Variants in UBE3B observed in about 807,000 individuals in gnomAD.
UBE3B encodes ubiquitin protein ligase E3B, also known as ubiquitin-protein ligase E3B.
In UBE3B, 80 loss-of-function variants were observed where a neutral mutation model predicts 132.3. That is an observed-to-expected ratio of 0.60 (90% confidence interval 0.50 to 0.73). The LOEUF is 0.73. UBE3B is among the 30% of genes least tolerant of loss of function. UBE3B has a pLI of 0.00. For missense variants in UBE3B, 1,196 were observed against 1,362.5 expected, an observed-to-expected ratio of 0.88 and a Z score of 1.92; for synonymous variants, 487 against 520.4, an observed-to-expected ratio of 0.94 and a Z score of 0.87.
At chr12:109,515,831 T>C (rs1880966967) in intron 18 of UBE3B, among the ~76,000 whole-genome samples, 1 of 152,204 alleles carries the variant, frequency 6.6e-6, no homozygotes, top group African/African-American at 2.4e-5. Context: ...AGAGTCATGC[T>C]CTTTCTAAAT....
At position 109,484,060 on chromosome 12, in the gene UBE3B, A is replaced by T. The variant is rs139585965; in HGVS notation, c.282+79A>T. 4.1e-4 allele frequency: 585 copies of T among 1,443,514 alleles called. 2 individuals carry two copies. The African/African-American group carries it at 7.7e-3, about 19-fold the overall frequency. The allele number at this position is 1,443,514 out of a possible 1,614,324, so 89.4% of individuals were successfully genotyped here. On this transcript the variant is annotated intron_variant, in intron 4 of 27. Transcript: ENST00000342494. Reference sequence around the variant, plus strand: ...AATTATTGATATTAACTCAGTTCTTATAGCAGCTTTATGAGGTAATTACTG... The same window carrying T: ...AATTATTGATATTAACTCAGTTCTTTTAGCAGCTTTATGAGGTAATTACTG...
rs1881100768 is a variant in UBE3B, at chr12:109,516,639, C to T, written c.1957-126C>T. 12 of 1,436,022 alleles carry T rather than the reference C, an allele frequency of 8.4e-6. No individual in the cohort carries two copies. In the East Asian group the frequency reaches 2.5e-4, roughly 30 times the overall value. The allele number at this position is 1,436,022 out of a possible 1,614,324, so 89.0% of individuals were successfully genotyped here. A position where few individuals can be genotyped will look rare whatever the true frequency, so the allele number is the denominator to read the frequency against. On this transcript the variant is annotated intron_variant, in intron 18 of 27. Coordinates refer to ENST00000342494, the MANE Select transcript of UBE3B (RefSeq NM_130466.4). Reference sequence around the variant, plus strand: ...CACAGGACACTTCTAACTGGTAGCACATGTTAAGGCATCCCATTCTGCTTG... The same window carrying T: ...CACAGGACACTTCTAACTGGTAGCATATGTTAAGGCATCCCATTCTGCTTG...
In UBE3B at chr12:109,511,276, C is replaced by T. The variant is rs780311262; in HGVS notation, c.1929C>T (p.Tyr643=). Residue 643 remains tyrosine, a synonymous_variant, in exon 18 of 28, where the codon TAC becomes TAT. Transcript: ENST00000342494. ...DRKRAQLILQ[Y]IPHVIPHKNR... ...AACGGGCACAGTTGATCCTGCAGTA[C>T]ATCCCACATGTCATCCCTCACAAAA... The T allele has an allele frequency of 6.2e-7, 1 of 1,614,184 alleles. No individual in the cohort carries two copies. The highest frequency in any genetic ancestry group is 8.5e-7 in the Non-Finnish European group (1 of 1,180,018).
rs769337515 is a variant in UBE3B, at chr12:109,517,987, C to T, written c.2076+1103C>T. 14 of 434,002 alleles carry T rather than the reference C, an allele frequency of 3.2e-5. 1 individual carries two copies. The highest frequency in any genetic ancestry group is 3.3e-4 in the Middle Eastern group (1 of 3,014). The allele number at this position is 434,002 out of a possible 1,614,324, so 26.9% of individuals were successfully genotyped here. A position where few individuals can be genotyped will look rare whatever the true frequency, so the allele number is the denominator to read the frequency against. ...TGCTAGGAAGGCAGTGTGTGCTGAA[C>T]AGTGGATGTTTCTGACATTCTTCAA... is the stretch of plus-strand genomic sequence containing the variant. On this transcript the variant is annotated intron_variant, in intron 19 of 27. Transcript: ENST00000342494.
intron 18 of UBE3B, among the ~76,000 whole-genome samples, chr12:109,513,477 G>T (rs1880617420): frequency 6.6e-6 from 1 of 152,176 alleles, no homozygotes; most frequent in African/African-American, 2.4e-5. Context: ...TTCAAAGTAT[G>T]TGCATTTGTA....
At chr12:109,541,861 A>G in the UBE3B span, among the ~76,000 whole-genome samples, 1 of 152,098 alleles carries the variant, frequency 6.6e-6, no homozygotes, top group Non-Finnish European at 1.5e-5. Flanking sequence ...TCTTCCCTCT[A>G]GGGCTTCCTC....
rs567570072 is a variant in UBE3B, at chr12:109,484,905, T to C, written c.282+924T>C. Among the ~76,000 whole-genome samples the C allele has an allele frequency of 2.6e-5, 4 of 152,152 alleles. No homozygotes were observed. In the East Asian group the frequency reaches 7.7e-4, roughly 29 times the overall value. On this transcript the variant is annotated intron_variant, in intron 4 of 27. Coordinates refer to ENST00000342494, the MANE Select transcript of UBE3B (RefSeq NM_130466.4). The stretch of plus-strand genomic sequence containing the variant: ...CTCAGTAGCTGGGACTGCAGGTGTG[T>C]GCCACCATGCACAGCAAGTTTTTGT...
intron 9 of UBE3B, among the ~76,000 whole-genome samples, chr12:109,494,732 G>A (rs961705586): frequency 1.3e-5 from 2 of 152,178 alleles, no homozygotes; most frequent in Admixed American, 1.3e-4. Context: ...TGCAGTGTGT[G>A]TGGTTTTTTG....
chr12:109,479,233 C>G (rs188867835), intron 1 of UBE3B, among the ~76,000 whole-genome samples: 51 of 152,290 alleles, frequency 3.3e-4, no homozygotes, highest in Non-Finnish European at 5.4e-4. Flanking sequence ...TCTTGTTTCC[C>G]TAACTAGATT....
chr12:109,486,653 T>TACA, intron 6 of UBE3B, 78 bp downstream of exon 6: 1 of 1,192,918 alleles, frequency 8.4e-7, no homozygotes, highest in Non-Finnish European at 1.2e-6. Flanking sequence ...GACTTTAGTC[T>TACA]GTATTTTCAG....
chr12:109,501,020 A>G (rs1333419377), intron 12 of UBE3B, among the ~76,000 whole-genome samples: 1 of 152,136 alleles, frequency 6.6e-6, no homozygotes, highest in Non-Finnish European at 1.5e-5. Flanking sequence ...TGAGTCATCT[A>G]GATTTGGCCC....
At chr12:109,497,718 C>A in intron 9 of UBE3B, 100 bp from the exon 10 acceptor site, 1 of 1,211,584 alleles carries the variant, frequency 8.3e-7, no homozygotes, top group Non-Finnish European at 1.2e-6. Context: ...AAATCCCACG[C>A]AGAATAATTT....
the UBE3B span, among the ~76,000 whole-genome samples, chr12:109,546,392 A>C: frequency 6.6e-6 from 1 of 152,136 alleles, no homozygotes; most frequent in Admixed American, 6.6e-5. Context: ...CCTCACTTAG[A>C]AAAGAAATGT....
chr12:109,488,269 C>T (rs944695977), intron 6 of UBE3B, among the ~76,000 whole-genome samples: 8 of 152,160 alleles, frequency 5.3e-5, no homozygotes, highest in Admixed American at 5.2e-4. Context: ...TTCAGACAGA[C>T]AGGCAGGCAC....
At chr12:109,501,650 T>C in intron 13 of UBE3B, 116 bp downstream of exon 13, 1 of 1,286,500 alleles carries the variant, frequency 7.8e-7, no homozygotes, top group East Asian at 2.5e-5. Flanking sequence ...TTGTTTTTGT[T>C]GTTATCGTTC....
intron 16 of UBE3B, 54 bp downstream of exon 16, chr12:109,509,768 G>A (rs984754199): frequency 9.2e-6 from 11 of 1,189,548 alleles, no homozygotes; most frequent in Middle Eastern, 2.0e-4. Context: ...CAGGGAGGCC[G>A]AAGAGTCTAT....
At chr12:109,483,820 C>A in intron 3 of UBE3B, 41 bp from the exon 4 acceptor site, 1 of 1,598,036 alleles carries the variant, frequency 6.3e-7, no homozygotes, top group Admixed American at 1.7e-5. Flanking sequence ...GTGCTACAAG[C>A]TGTTAATTTA....
At position 109,526,369 on chromosome 12, in the gene UBE3B, T is replaced by C; in HGVS notation, c.2580T>C (p.His860=). 6.2e-7 allele frequency: 1 copy of C among 1,614,188 alleles called. No individual in the cohort carries two copies. Among genetic ancestry groups the C allele is most frequent in the South Asian group, 1.1e-5 (1 of 91,080 alleles). ...ATCTTCTCCCCCAGCTTGTTTGCCA[T>C]GAACTGATTCCTGGAGGGAAGACCA... The part of the protein sequence containing the change: ...DEDVMGQLVC[H]ELIPGGKTIP... The change falls in exon 24 of 28, where the codon CAT becomes CAC. Residue 860 remains histidine (H), a synonymous_variant. Transcript: ENST00000342494.
rs1878725620 is a variant in UBE3B, at chr12:109,499,782, G to T, written c.1090G>T (p.Gly364Cys). Residue 364 changes from glycine to cysteine, a missense_variant, in exon 12 of 28, where the codon GGC (glycine) becomes TGC (cysteine). Gly to Cys is a radical substitution (Grantham distance 159). Transcript: ENST00000342494. ...SNLTHWHPVL[G>C]WFSQSVDYGL... ...CCTGACCCACTGGCATCCTGTCCTT[G>T]GCTGGTTCTCCCAATCTGTGGATTA... 1 of 1,609,238 alleles carries T rather than the reference G, an allele frequency of 6.2e-7. No homozygotes were observed. The highest frequency in any genetic ancestry group is 2.2e-5 in the East Asian group (1 of 44,458).
Sources: allele counts gnomAD v4.1 joint callset (sites outside exome capture counted in the v4.1 genomes callset), GRCh38; gene constraint gnomAD v4.1.1; transcripts MANE v1.5; gene names NCBI Gene and HGNC (gene_info 2026-07-23, HGNC 2026-07-21).